Variants in PTPRT observed in about 807,000 individuals in gnomAD.
PTPRT encodes receptor-type tyrosine-protein phosphatase T.
In PTPRT, 56 loss-of-function variants were observed where a neutral mutation model predicts 176.8. That is an observed-to-expected ratio of 0.32 (90% CI 0.26 to 0.40). The LOEUF is 0.40. Among genes scored for constraint, PTPRT ranks in the 10% least tolerant of loss-of-function variants. The pLI is 1.00. For synonymous variants in PTPRT, 783 were observed against 739.0 expected, an observed-to-expected ratio of 1.06 and a Z score of -0.96; for missense variants, 1,540 against 1,908.2, an observed-to-expected ratio of 0.81 and a Z score of 3.60.
chr20:42,233,011 G>A (rs1263390914), intron 15 of PTPRT, among the ~76,000 whole-genome samples: 5 of 151,876 alleles, frequency 3.3e-5, no homozygotes, highest in African/African-American at 1.2e-4. Flanking sequence ...TGCTGCAAAA[G>A]CCTTCTCTTG....
intron 7 of PTPRT, among the ~76,000 whole-genome samples, chr20:42,629,189 C>CT (rs201612893): frequency 0.01 from 1,418 of 140,440 alleles, 14 homozygotes; most frequent in African/African-American, 0.026. Flanking sequence ...AGTGAGGATG[C>CT]TTTTTTTTTT....
At chr20:42,045,724 A>C in the PTPRT span, among the ~76,000 whole-genome samples, 1 of 151,994 alleles carries the variant, frequency 6.6e-6, no homozygotes, top group Admixed American at 6.6e-5. Flanking sequence ...AGACTTACAG[A>C]CACCACATAA....
At chr20:43,144,131 A>G (rs17812999) in intron 1 of PTPRT, among the ~76,000 whole-genome samples, 5,050 of 152,290 alleles carry the variant, frequency 0.033, 124 homozygotes, top group Non-Finnish European at 0.052. Flanking sequence ...CGATTCAGTG[A>G]TCAACTTTGT....
At chr20:42,183,348 G>A (rs1176289361) in intron 16 of PTPRT, among the ~76,000 whole-genome samples, 3 of 152,096 alleles carry the variant, frequency 2.0e-5, no homozygotes, top group African/African-American at 4.8e-5. Context: ...GGACAGAGAC[G>A]CTAACACCGT....
chr20:42,056,450 T>C, the PTPRT span, among the ~76,000 whole-genome samples: 14 of 152,232 alleles, frequency 9.2e-5, no homozygotes, highest in Non-Finnish European at 7.3e-5. Context: ...TAAGCATCTT[T>C]GGAGGCTGTA....
chr20:42,920,311 A>T (rs1979061869), intron 1 of PTPRT, among the ~76,000 whole-genome samples: 1 of 152,222 alleles, frequency 6.6e-6, no homozygotes, highest in African/African-American at 2.4e-5. Flanking sequence ...TATATGCCAT[A>T]TTATTCCTTT....
intron 7 of PTPRT, among the ~76,000 whole-genome samples, chr20:42,481,499 C>T (rs776050459): frequency 1.3e-5 from 2 of 152,112 alleles, no homozygotes; most frequent in Non-Finnish European, 2.9e-5. Flanking sequence ...TCCACAGGCC[C>T]TTGATTTCAA....
chr20:42,818,945 T>C lies in PTPRT; in HGVS notation c.215-27479A>G, dbSNP rs369928527. On this transcript the variant is annotated intron_variant, in intron 2 of 30. Transcript: ENST00000373187. ...AATTGACTGAAGTAGCAGAAAGAGATGGGGAGAGTGGAAACAAGCTGGAAA... is the reference window on the plus strand; with the variant it reads ...AATTGACTGAAGTAGCAGAAAGAGACGGGGAGAGTGGAAACAAGCTGGAAA... Among the ~76,000 whole-genome samples, 7 of 152,102 alleles carry C rather than the reference T, an allele frequency of 4.6e-5. No homozygotes were observed. The South Asian group carries it at 1.5e-3, about 32-fold the overall frequency.
chr20:42,095,037 T>C (rs1458855619), intron 27 of PTPRT, among the ~76,000 whole-genome samples: 4 of 152,140 alleles, frequency 2.6e-5, no homozygotes, highest in Non-Finnish European at 5.9e-5. Context: ...TGATTCCTCT[T>C]TCTCTCTCTT....
At chr20:42,755,842 C>T (rs563482057) in intron 6 of PTPRT, among the ~76,000 whole-genome samples, 29 of 152,246 alleles carry the variant, frequency 1.9e-4, no homozygotes, top group African/African-American at 6.7e-4. Context: ...GATGAGATAG[C>T]ATACGATCAC....
intron 1 of PTPRT, chr20:43,063,424 T>A (rs1245162916): frequency 6.6e-6 from 1 of 152,660 alleles, no homozygotes; most frequent in African/African-American, 2.4e-5. Flanking sequence ...CCTTCCTCCA[T>A]CACCACTCCA....
chr20:42,927,517 G>A (rs184827646), intron 1 of PTPRT, among the ~76,000 whole-genome samples: 102 of 152,138 alleles, frequency 6.7e-4, no homozygotes, highest in Non-Finnish European at 1.1e-3. Context: ...AGCCAGGATC[G>A]CATCACTGCA....
intron 6 of PTPRT, among the ~76,000 whole-genome samples, chr20:42,724,582 C>T (rs1214489557): frequency 2.0e-5 from 3 of 152,196 alleles, no homozygotes; most frequent in Admixed American, 2.0e-4. Context: ...ATTGTTTGTC[C>T]CTGGCTGCCT....
At position 42,448,205 on chromosome 20, in the gene PTPRT, A is replaced by G; in HGVS notation, c.1560+15T>C. ...AAAGCTAAGCCAATGGATGCAGCAC[A>G]AGGGACCTCCTTACCTCGTAGAGCG... On this transcript the variant is annotated intron_variant, in intron 9 of 30. Transcript: ENST00000373187. 1.9e-6 allele frequency: 3 copies of G among 1,580,026 alleles called. No individual in the cohort carries two copies. The highest frequency in any genetic ancestry group is 2.6e-6 in the Non-Finnish European group (3 of 1,149,286).
intron 1 of PTPRT, among the ~76,000 whole-genome samples, chr20:43,036,694 A>T (rs1209645750): frequency 1.3e-5 from 2 of 152,224 alleles, no homozygotes; most frequent in East Asian, 3.9e-4. Context: ...TTAAAACAAT[A>T]GGCTAACCTA....
chr20:42,201,353 A>G lies in PTPRT; in HGVS notation c.2343-1965T>C, dbSNP rs141074434. ...AAAAGAAAGACCCAAACCTCAGCTT[A>G]GAAGTGTTTTAGAGGAGTTCACATA... is the stretch of plus-strand genomic sequence containing the variant. On this transcript the variant is annotated intron_variant, in intron 15 of 30. Transcript: ENST00000373187. Among the ~76,000 whole-genome samples the G allele has an allele frequency of 2.1e-4, 32 of 152,304 alleles. 1 individual carries two copies. In the East Asian group the frequency reaches 5.8e-3, roughly 28 times the overall value.
chr20:42,645,062 G>T (rs900556227), intron 7 of PTPRT, among the ~76,000 whole-genome samples: 1 of 152,114 alleles, frequency 6.6e-6, no homozygotes, highest in African/African-American at 2.4e-5. Flanking sequence ...CCTTCACAGT[G>T]CAATTTGTCA....
intron 7 of PTPRT, among the ~76,000 whole-genome samples, chr20:42,561,716 G>C (rs2072954539): frequency 6.6e-6 from 1 of 152,182 alleles, no homozygotes; most frequent in African/African-American, 2.4e-5. Context: ...AGGAGTGAGG[G>C]ATCAGGAGAA....
intron 1 of PTPRT, among the ~76,000 whole-genome samples, chr20:42,952,368 A>G (rs1033616108): frequency 6.6e-5 from 10 of 152,238 alleles, no homozygotes; most frequent in African/African-American, 2.4e-4. Flanking sequence ...CTGCGTAGCT[A>G]TGAAGGACAG....
Sources: gnomAD v4.1 joint callset for allele counts (sites outside exome capture counted in the v4.1 genomes callset) on GRCh38, gnomAD v4.1.1 for gene constraint, MANE v1.5 for transcripts, NCBI Gene and HGNC (gene_info 2026-07-23, HGNC 2026-07-21) for gene names.